MB: variants seen among roughly 807,000 people sequenced by gnomAD.
The protein encoded by MB is nitrite reductase MB.
In MB, 10 loss-of-function variants were observed where a neutral mutation model predicts 14.5. The ratio of observed to expected loss-of-function variants is 0.69; its 90% CI spans 0.43 to 1.17. The LOEUF (loss-of-function observed/expected upper bound fraction) is 1.17. Among genes scored for constraint, MB ranks in the 50% most tolerant of loss-of-function variants. MB has a pLI of 0.00. For missense variants in MB, 169 were observed against 192.7 expected (o/e 0.88, Z 0.73); for synonymous variants, 89 against 78.6 (o/e 1.13, Z -0.70).
At position 35,617,155 on chromosome 22, in the gene MB, C is replaced by G; in HGVS notation, c.95+8G>C. On this transcript the variant is annotated splice_region_variant and intron_variant, in intron 1 of 2. Transcript: ENST00000397326. ...GGTGGCAGGGGCAATGGAATCTCTT[C>G]CTTTTACCTGATGAGGACTTCCTGC... 6.2e-7 allele frequency: 1 copy of G among 1,609,736 alleles called. No homozygotes were observed. Among genetic ancestry groups the G allele is most frequent in the Non-Finnish European group, 8.5e-7 (1 of 1,175,948 alleles).
At chr22:35,610,735 C>A (rs1922543626) in intron 2 of MB, 149 bp downstream of exon 2, 1 of 640,256 alleles carries the variant, frequency 1.6e-6, no homozygotes, top group African/African-American at 1.8e-5. Context: ...GGTGGCAGTC[C>A]CCTTTACAAA....
rs768598895 is a variant in MB at position 35,610,965 on chromosome 22, C to T, written c.237G>A (p.Lys79=). The change falls in exon 2 of 3, where the codon AAG becomes AAA. Residue 79 remains lysine, a synonymous_variant. Transcript: ENST00000397326. ...VLTALGGILK[K]KGHHEAEIKP... ...TAATCTCTGCCTCATGATGCCCCTT[C>T]TTCTTAAGGATGCCACCCAGGGCGG... is the stretch of plus-strand genomic sequence containing the variant. The T allele has an allele frequency of 1.9e-6, 3 of 1,614,212 alleles. No homozygotes were observed. Among genetic ancestry groups the T allele is most frequent in the South Asian group, 1.1e-5 (1 of 91,086 alleles).
chr22:35,613,014 A>G (rs1313534462), intron 1 of MB, among the ~76,000 whole-genome samples: 1 of 152,166 alleles, frequency 6.6e-6, no homozygotes, highest in Admixed American at 6.5e-5. Flanking sequence ...CGTGCCCAAC[A>G]TTGCCACCTC....
chr22:35,606,985 C>CGTATCATTAAAAA lies in MB; in HGVS notation c.*311_*312insTTTTTAATGATAC. 1 of 255,866 alleles carries CGTATCATTAAAAA rather than the reference C, an allele frequency of 3.9e-6. No individual in the cohort carries two copies. Among genetic ancestry groups the CGTATCATTAAAAA allele is most frequent in the Non-Finnish European group, 7.5e-6 (1 of 134,084 alleles). The allele number at this position is 255,866 out of a possible 1,614,324, so 15.8% of individuals were successfully genotyped here. A position where few individuals can be genotyped will look rare whatever the true frequency, so the allele number is the denominator to read the frequency against. ...AATGGCTTGGATTTGGGGTTACAGC[C>CGTATCATTAAAAA]AGTTTGGAGGTTGGAAGAAGTTCGG... is the stretch of plus-strand genomic sequence containing the variant. On this transcript the variant is annotated 3_prime_UTR_variant, in exon 3 of 3. Coordinates refer to ENST00000397326, the MANE Select transcript of MB (RefSeq NM_005368.3).
rs200620466 is a variant in MB, at chr22:35,611,040, G to A, written c.162C>T (p.Asp54=). The change falls in exon 2 of 3, where the codon GAC becomes GAT. Residue 54 remains aspartate (D), a synonymous_variant. Transcript: ENST00000397326. The stretch of plus-strand genomic sequence containing the variant: ...TTAAGTCCTCAGACGCCTTCATCTC[G>A]TCCTCTGACTTCAGGTGCTTGAACT... ...FDKFKHLKSE[D]EMKASEDLKK... 3.0e-5 allele frequency: 48 copies of A among 1,614,092 alleles called. No individual in the cohort carries two copies. The highest frequency in any genetic ancestry group is 1.6e-4 in the Middle Eastern group (1 of 6,062).
upstream of MB, among the ~76,000 whole-genome samples, chr22:35,621,079 A>G (rs965786459): frequency 2.0e-5 from 3 of 152,198 alleles, no homozygotes; most frequent in Non-Finnish European, 4.4e-5. Context: ...TGGAGTCACC[A>G]GCTCTGTTTG....
In MB at chr22:35,608,221, G is replaced by C. The variant is rs564333039; in HGVS notation, c.319-778C>G. Among the ~76,000 whole-genome samples the C allele has an allele frequency of 2.0e-4, 31 of 152,362 alleles. No individual in the cohort carries two copies. The highest frequency in any genetic ancestry group is 7.5e-4 in the African/African-American group (31 of 41,588). ...GAAAGACTCATGGATGTGAAATGCG[G>C]CTGTGCTTTCTCAAGTTAACCAGAT... On this transcript the variant is annotated intron_variant, in intron 2 of 2. Coordinates refer to ENST00000397326, the MANE Select transcript of MB (RefSeq NM_005368.3). This position sits in a 1 kb window ranked among gnomAD's most constrained non-coding sequence, Gnocchi z 4.3.
upstream of MB, among the ~76,000 whole-genome samples, chr22:35,619,770 C>T (rs1228815182): frequency 2.0e-5 from 3 of 152,210 alleles, no homozygotes; most frequent in Non-Finnish European, 2.9e-5. Context: ...TCAGAACGCC[C>T]TCTGTGTGGG....
At chr22:35,610,547 C>T (rs1292323654) in intron 2 of MB, among the ~76,000 whole-genome samples, 1 of 152,186 alleles carries the variant, frequency 6.6e-6, no homozygotes, top group East Asian at 1.9e-4. Context: ...CTGTGAGCCT[C>T]AGTTTCCCCA....
chr22:35,608,785 G>A lies in MB; in HGVS notation c.319-1342C>T, dbSNP rs1046178229. 2.6e-5 allele frequency among the ~76,000 whole-genome samples: 4 copies of A among 152,198 alleles called. No homozygotes were observed. In the East Asian group the frequency reaches 7.7e-4, roughly 29 times the overall value. ...CAGCTCAGACTTTCTGGAGTCCATG[G>A]CAGAGCCACTCATATCTAGAAAACA... On this transcript the variant is annotated intron_variant, in intron 2 of 2. Coordinates refer to ENST00000397326, the MANE Select transcript of MB (RefSeq NM_005368.3). This position sits in a 1 kb window ranked among gnomAD's most constrained non-coding sequence, Gnocchi z 4.3.
In MB at chr22:35,611,490, C is replaced by A. The variant is rs185105413; in HGVS notation, c.96-384G>T. On this transcript the variant is annotated intron_variant, in intron 1 of 2. Coordinates refer to ENST00000397326, the MANE Select transcript of MB (RefSeq NM_005368.3). ...AAAACAGCAGTTCTAGTCCACGCTG[C>A]GACCATCTCTGCAGCTTCCTGCCCA... 4.7e-4 allele frequency among the ~76,000 whole-genome samples: 71 copies of A among 152,276 alleles called. 1 individual carries two copies. The East Asian group carries it at 9.5e-3, about 20-fold the overall frequency.
upstream of MB, among the ~76,000 whole-genome samples, chr22:35,620,492 G>C (rs1601848677): frequency 6.6e-6 from 1 of 152,244 alleles, no homozygotes; most frequent in African/African-American, 2.4e-5. Context: ...AACTCTGAGA[G>C]GGTCTGCCCC....
intron 1 of MB, among the ~76,000 whole-genome samples, chr22:35,616,044 C>T (rs543003250): frequency 5.3e-5 from 8 of 152,296 alleles, no homozygotes; most frequent in East Asian, 3.9e-4. Flanking sequence ...CAAAGGACGA[C>T]GGAGTGGAAG....
chr22:35,617,267 TGAA>T lies in MB; in HGVS notation c.-13_-11del. On this transcript the variant is annotated 5_prime_UTR_variant, in exon 1 of 3. Coordinates refer to ENST00000397326, the MANE Select transcript of MB (RefSeq NM_005368.3). Reference sequence around the variant, plus strand: ...CGTCGCTGAGCCCCATGGCGCAGTCTGAAGAAGACAAAAAGAGCAAGTATGGGC... The same window carrying T: ...CGTCGCTGAGCCCCATGGCGCAGTCTGAAGACAAAAAGAGCAAGTATGGGC... 1.9e-6 allele frequency: 3 copies of T among 1,612,428 alleles called. No homozygotes were observed. Among genetic ancestry groups the T allele is most frequent in the Non-Finnish European group, 2.5e-6 (3 of 1,178,438 alleles).
At position 35,617,264 on chromosome 22, in the gene MB, G is replaced by C; in HGVS notation, c.-7C>G. On this transcript the variant is annotated 5_prime_UTR_variant, in exon 1 of 3. Transcript: ENST00000397326. ...CCCCGTCGCTGAGCCCCATGGCGCAGTCTGAAGAAGACAAAAAGAGCAAGT... is the reference window on the plus strand; with the variant it reads ...CCCCGTCGCTGAGCCCCATGGCGCACTCTGAAGAAGACAAAAAGAGCAAGT... 2 of 1,612,612 alleles carry C rather than the reference G, an allele frequency of 1.2e-6. No homozygotes were observed. Among genetic ancestry groups the C allele is most frequent in the Non-Finnish European group, 8.5e-7 (1 of 1,178,608 alleles).
chr22:35,613,814 C>T lies in MB; in HGVS notation c.96-2708G>A, dbSNP rs191717691. Among the ~76,000 whole-genome samples the T allele has an allele frequency of 1.9e-3, 292 of 152,258 alleles. 1 individual carries two copies. The highest frequency in any genetic ancestry group is 6.5e-3 in the African/African-American group (269 of 41,564). ...CACCCCACCCCATATTTACTTTAAACAGCAGAGCAGAATCGGGCTAATTTG... is the reference window on the plus strand; with the variant it reads ...CACCCCACCCCATATTTACTTTAAATAGCAGAGCAGAATCGGGCTAATTTG... On this transcript the variant is annotated intron_variant, in intron 1 of 2. Coordinates refer to ENST00000397326, the MANE Select transcript of MB (RefSeq NM_005368.3).
At chr22:35,613,910 GCC>G (rs572716370) in intron 1 of MB, among the ~76,000 whole-genome samples, 9 of 152,312 alleles carry the variant, frequency 5.9e-5, no homozygotes, top group Non-Finnish European at 1.0e-4. Flanking sequence ...GCAGCTAGGA[GCC>G]CCCCAGGCAG....
chr22:35,611,934 GC>G (rs965322989), intron 1 of MB, among the ~76,000 whole-genome samples: 44 of 152,164 alleles, frequency 2.9e-4, no homozygotes, highest in African/African-American at 1.0e-3. Flanking sequence ...GCAGGTGGGT[GC>G]TGGTTAAAGG....
At chr22:35,613,430 G>A (rs1276055877) in intron 1 of MB, among the ~76,000 whole-genome samples, 2 of 152,126 alleles carry the variant, frequency 1.3e-5, no homozygotes, top group Non-Finnish European at 1.5e-5. Flanking sequence ...AACCAAAAGG[G>A]TCTAGACCCG....
Sources: allele counts gnomAD v4.1 joint callset (sites outside exome capture counted in the v4.1 genomes callset), GRCh38; gene constraint gnomAD v4.1.1; non-coding constraint Gnocchi (gnomAD v3.1); transcripts MANE v1.5; gene names NCBI Gene and HGNC (gene_info 2026-07-23, HGNC 2026-07-21).